Variants in XKR5 observed in about 807,000 individuals in gnomAD.
XKR5 encodes the protein XK-related protein 5.
A neutral mutation model predicts 40.8 loss-of-function variants in XKR5; 46 were observed. That is an observed-to-expected ratio of 1.13 (90% CI 0.89 to 1.44). The LOEUF is 1.44. Among genes scored for constraint, XKR5 ranks in the 40% most tolerant of loss-of-function variants. XKR5 has a pLI of 0.00. For missense variants in XKR5, 1,169 were observed against 844.7 expected (o/e 1.38, Z -4.76); for synonymous variants, 466 against 356.1 (o/e 1.31, Z -3.48).
chr8:6,830,264 C>T (rs184837880), intron 2 of XKR5, among the ~76,000 whole-genome samples: 1 of 152,188 alleles, frequency 6.6e-6, no homozygotes, highest in Admixed American at 6.5e-5. Flanking sequence ...GTGCCAAACG[C>T]AATTGTTTTG....
chr8:6,818,154 T>C (rs1324212641), intron 5 of XKR5, among the ~76,000 whole-genome samples: 1 of 152,228 alleles, frequency 6.6e-6, no homozygotes, highest in Non-Finnish European at 1.5e-5. Context: ...AGGGCTTTTT[T>C]TCCCTCGGAC....
intron 4 of XKR5, among the ~76,000 whole-genome samples, chr8:6,822,257 C>T (rs1430745091): frequency 6.6e-6 from 1 of 152,174 alleles, no homozygotes; most frequent in African/African-American, 2.4e-5. Flanking sequence ...GGTATCTGAC[C>T]TAATTTGAAT....
rs1159680601 is a variant in XKR5 at position 6,810,162 on chromosome 8, A to G, written c.*1036T>C. The G allele has an allele frequency of 6.6e-6, 1 of 152,088 alleles. No homozygotes were observed. Among genetic ancestry groups the G allele is most frequent in the East Asian group, 1.9e-4 (1 of 5,198 alleles). 9.4% of individuals were successfully genotyped at this position (152,088 alleles called of 1,614,324 possible). On this transcript the variant is annotated 3_prime_UTR_variant, in exon 7 of 7. Coordinates refer to ENST00000618742, the MANE Select transcript of XKR5 (RefSeq NM_207411.5). ...AAACAAAACAAAAATACCCATCCCTAAATAGCATCCAGCTCTCTGTGTGCC... is the reference window on the plus strand; with the variant it reads ...AAACAAAACAAAAATACCCATCCCTGAATAGCATCCAGCTCTCTGTGTGCC...
intron 5 of XKR5, 87 bp from the exon 6 acceptor site, chr8:6,816,005 CT>C: frequency 1.0e-6 from 1 of 971,784 alleles, no homozygotes; most frequent in East Asian, 2.7e-5. Context: ...GCGGCTCCCC[CT>C]CCCCTCCATC....
chr8:6,821,963 C>T lies in XKR5; in HGVS notation c.713G>A (p.Arg238Lys), dbSNP rs1351732714. ...GGCCCCCACGAGCAGGTTGAACAGC[C>T]TCCAGTGGCAGGTGCTGTCGATGAT... ...SDIIDSTCHW[R>K]LFNLLVGAVY... The change falls in exon 5 of 7, where the codon AGG (arginine) becomes AAG (lysine). Residue 238 changes from arginine to lysine, a missense_variant. Coordinates refer to ENST00000618742, the MANE Select transcript of XKR5 (RefSeq NM_207411.5). 7 of 1,612,240 alleles carry T rather than the reference C, an allele frequency of 4.3e-6. No homozygotes were observed. Among genetic ancestry groups the T allele is most frequent in the African/African-American group, 2.7e-5 (2 of 74,912 alleles).
At chr8:6,825,649 G>A (rs1190998882) in intron 2 of XKR5, among the ~76,000 whole-genome samples, 1 of 152,024 alleles carries the variant, frequency 6.6e-6, no homozygotes, top group East Asian at 1.9e-4. Flanking sequence ...AACCCAGACT[G>A]CCAGCTCTGT....
chr8:6,821,902 G>T lies in XKR5; in HGVS notation c.774C>A (p.Ser258Arg). ...YILCYLSFWD[S>R]PSRNRMVTFY... ...ACGTGACCATCCTATTTCTAGAAGG[G>T]CTGTCCCAGAAGCTGAGGTAGCAGA... The change falls in exon 5 of 7, where the codon AGC becomes AGA. Residue 258 changes from serine to arginine, a missense_variant. Ser to Arg is a moderately radical substitution (Grantham distance 110, BLOSUM62 -1). Coordinates refer to ENST00000618742, the MANE Select transcript of XKR5 (RefSeq NM_207411.5). 1.2e-6 allele frequency: 2 copies of T among 1,613,464 alleles called. No individual in the cohort carries two copies. The highest frequency in any genetic ancestry group is 8.5e-7 in the Non-Finnish European group (1 of 1,179,684).
chr8:6,832,823 C>CG lies in XKR5; in HGVS notation c.135dup (p.Gly46ArgfsTer184), dbSNP rs1804831618. On this transcript the variant is annotated frameshift_variant, in exon 2 of 7. Transcript: ENST00000618742. LOFTEE classifies it high-confidence loss of function. ...TAGCTCAGGGCCTGGACCAAGAACCCGGGCAGGAGGACAGCAAGGGCCAGC... is the reference window on the plus strand; with the variant it reads ...TAGCTCAGGGCCTGGACCAAGAACCCGGGGCAGGAGGACAGCAAGGGCCAGC... 6.2e-7 allele frequency: 1 copy of CG among 1,612,236 alleles called. No individual in the cohort carries two copies. The highest frequency in any genetic ancestry group is 1.1e-5 in the South Asian group (1 of 90,552).
intron 2 of XKR5, among the ~76,000 whole-genome samples, chr8:6,830,364 A>G (rs1167603901): frequency 6.6e-6 from 1 of 152,162 alleles, no homozygotes; most frequent in African/African-American, 2.4e-5. Context: ...TTGTCTTTGA[A>G]CCCTATGTGC....
At chr8:6,823,313 G>A (rs1233995426) in intron 4 of XKR5, among the ~76,000 whole-genome samples, 1 of 152,176 alleles carries the variant, frequency 6.6e-6, no homozygotes, top group Non-Finnish European at 1.5e-5. Flanking sequence ...ATTCTCAGCT[G>A]CTAATTCCTG....
chr8:6,821,634 G>C (rs1804229188), intron 5 of XKR5, among the ~76,000 whole-genome samples: 1 of 152,200 alleles, frequency 6.6e-6, no homozygotes, highest in Non-Finnish European at 1.5e-5. Context: ...ATATGCCTCA[G>C]TTGTTGCCAC....
Position 6,811,441 on chromosome 8 carries a change from T to C in XKR5, c.1818A>G (p.Pro606=), listed in dbSNP as rs1331341609. 1 of 1,536,552 alleles carries C rather than the reference T, an allele frequency of 6.5e-7. No homozygotes were observed. The highest frequency in any genetic ancestry group is 2.0e-5 in the Admixed American group (1 of 50,954). Residue 606 remains proline, a synonymous_variant, in exon 7 of 7, where the codon CCA becomes CCG. Transcript: ENST00000618742. ...CTGCACTGGGGCAGAAGCCTCTACA[T>C]GGGCCTGTGCCTAGGATGGGGCTAA... ...ADISPILGTG[P]CRGFCPSAGF... is the part of the protein sequence containing the mutation.
intron 2 of XKR5, among the ~76,000 whole-genome samples, chr8:6,829,882 A>G (rs1303510607): frequency 1.7e-5 from 2 of 120,852 alleles, no homozygotes; most frequent in South Asian, 2.6e-4. Flanking sequence ...CTGTCACCCA[A>G]GCTGGAGTCC....
chr8:6,826,570 G>T (rs570051535), intron 2 of XKR5, among the ~76,000 whole-genome samples: 4 of 152,144 alleles, frequency 2.6e-5, no homozygotes, highest in Non-Finnish European at 4.4e-5. Flanking sequence ...TGGAAATGGT[G>T]GTGCTACCGA....
chr8:6,828,556 C>T (rs142333649), intron 2 of XKR5, among the ~76,000 whole-genome samples: 30 of 152,190 alleles, frequency 2.0e-4, no homozygotes, highest in Middle Eastern at 3.4e-3. Flanking sequence ...CTAGGGAAGC[C>T]GGGGAGGAAG....
At chr8:6,829,706 G>A (rs1275803158) in intron 2 of XKR5, among the ~76,000 whole-genome samples, 3 of 152,004 alleles carry the variant, frequency 2.0e-5, no homozygotes, top group Non-Finnish European at 4.4e-5. Context: ...AGTGGAGATG[G>A]GGTTTCGACA....
intron 5 of XKR5, among the ~76,000 whole-genome samples, chr8:6,816,929 T>C (rs182518648): frequency 1.3e-5 from 2 of 152,276 alleles, no homozygotes; most frequent in East Asian, 3.9e-4. Flanking sequence ...TTCGTAATCC[T>C]ATGAACATCC....
intron 6 of XKR5, 46 bp downstream of exon 6, chr8:6,815,761 T>A (rs528218797): frequency 1.4e-5 from 19 of 1,315,238 alleles, no homozygotes; most frequent in East Asian, 2.5e-5. Flanking sequence ...AAAAAAAAAA[T>A]ACGTTGGGGA....
intron 5 of XKR5, among the ~76,000 whole-genome samples, 168 bp from the exon 6 acceptor site, chr8:6,816,086 T>A (rs1166839640): frequency 6.6e-6 from 1 of 152,022 alleles, no homozygotes; most frequent in African/African-American, 2.4e-5. Context: ...CACTGAGACC[T>A]TCTCTGGCAA....
Sources: gnomAD v4.1 joint callset for allele counts (sites outside exome capture counted in the v4.1 genomes callset) on GRCh38, gnomAD v4.1.1 for gene constraint, MANE v1.5 for transcripts, NCBI Gene and HGNC (gene_info 2026-07-23, HGNC 2026-07-21) for gene names.